The following LIMK1 variants were observed in gnomAD, a reference collection of about 807,000 sequenced individuals.
The protein encoded by LIMK1 is LIM domain kinase 1.
In LIMK1, 21 loss-of-function variants were observed where a neutral mutation model predicts 77.6. That is an observed-to-expected ratio of 0.27 (90% CI 0.19 to 0.39). LIMK1 has a LOEUF of 0.39. LIMK1 is among the 10% of genes least tolerant of loss of function. The pLI, the probability that LIMK1 is intolerant of heterozygous loss-of-function variation, is 1.00. For synonymous variants in LIMK1, 358 were observed against 370.0 expected (o/e 0.97, Z 0.37); for missense variants, 696 against 901.6 (o/e 0.77, Z 2.92).
chr7:74,094,988 A>G (rs576736640), intron 2 of LIMK1, among the ~76,000 whole-genome samples: 49 of 152,246 alleles, frequency 3.2e-4, no homozygotes, highest in African/African-American at 1.1e-3. Context: ...CTCCCAGACA[A>G]AGGGGAAGTG....
chr7:74,101,437 G>T (rs1799456705), intron 5 of LIMK1, among the ~76,000 whole-genome samples: 1 of 152,194 alleles, frequency 6.6e-6, no homozygotes, highest in Admixed American at 6.6e-5. Flanking sequence ...GAGCCCAGGA[G>T]GTGGAGGCTG....
chr7:74,106,204 G>A lies in LIMK1; in HGVS notation c.842G>A (p.Ser281Asn), dbSNP rs782545777. The A allele has an allele frequency of 3.7e-6, 6 of 1,613,644 alleles. No homozygotes were observed. The African/African-American group carries it at 4.0e-5, about 11-fold the overall frequency. ...SPLSSPAYTP[S>N]GEAGSSARQK... is the part of the protein sequence containing the mutation. ...CTGAGCTCTCCGGCTTATACTCCCAGCGGGGAGGCGGGCAGCTCTGCCCGG... is the reference window on the plus strand; with the variant it reads ...CTGAGCTCTCCGGCTTATACTCCCAACGGGGAGGCGGGCAGCTCTGCCCGG... The change falls in exon 7 of 16, where the codon AGC becomes AAC. Residue 281 changes from serine to asparagine, a missense_variant. Physicochemically the swap from Ser to Asn is conservative, Grantham distance 46. Transcript: ENST00000336180.
Position 74,085,712 on chromosome 7 carries a change from C to G in LIMK1, c.56-36C>G, listed in dbSNP as rs533961701. The stretch of plus-strand genomic sequence containing the variant: ...CTGGGCCTGCACCAGATCACACTTC[C>G]TGAGAATGCTTCCCAACTCCCTTCC... On this transcript the variant is annotated intron_variant, in intron 1 of 15. Coordinates refer to ENST00000336180, the MANE Select transcript of LIMK1 (RefSeq NM_002314.4). The G allele has an allele frequency of 5.8e-5, 89 of 1,525,726 alleles. 2 individuals carry two copies. In the South Asian group the frequency reaches 1.0e-3, roughly 18 times the overall value. The allele number at this position is 1,525,726 out of a possible 1,614,324, so 94.5% of individuals were successfully genotyped here. A position where few individuals can be genotyped will look rare whatever the true frequency, so the allele number is the denominator to read the frequency against.
At chr7:74,107,576 G>C (rs186744850) in intron 8 of LIMK1, among the ~76,000 whole-genome samples, 231 of 151,980 alleles carry the variant, frequency 1.5e-3, no homozygotes, top group Non-Finnish European at 1.1e-3. Context: ...CCAGCTACTT[G>C]GGAGGCTTAG....
At chr7:74,106,913 A>G in intron 7 of LIMK1, 97 bp from the exon 8 acceptor site, 4 of 1,225,156 alleles carry the variant, frequency 3.3e-6, no homozygotes, top group Non-Finnish European at 4.5e-6. Context: ...ATAGACTGGC[A>G]TGGACAGGGG....
intron 4 of LIMK1, among the ~76,000 whole-genome samples, chr7:74,098,006 TC>T (rs1799370743): frequency 6.6e-6 from 1 of 152,070 alleles, no homozygotes; most frequent in Non-Finnish European, 1.5e-5. Context: ...GCATCTCCCC[TC>T]CCTCCCCTAG....
In LIMK1 at chr7:74,085,820, C is replaced by T. The variant is rs782670690; in HGVS notation, c.128C>T (p.Ala43Val). ...GGCCAGTACCTCCAGGCCCTGAACG[C>T]GGACTGGCACGCAGACTGCTTCAGG... is the stretch of plus-strand genomic sequence containing the variant. ...YDGQYLQALN[A>V]DWHADCFRCC... The change falls in exon 2 of 16, where the codon GCG (alanine) becomes GTG (valine). Residue 43 changes from alanine to valine, a missense_variant. By Grantham distance (64) the Ala-to-Val change is moderately conservative. Transcript: ENST00000336180. 7.7e-6 allele frequency: 12 copies of T among 1,557,890 alleles called. No homozygotes were observed. The highest frequency in any genetic ancestry group is 5.7e-5 in the Admixed American group (3 of 52,196).
At position 74,085,750 on chromosome 7, in the gene LIMK1, A is replaced by T. The variant is rs1554693957; in HGVS notation, c.58A>T (p.Ser20Cys). The T allele has an allele frequency of 2.6e-6, 4 of 1,555,430 alleles. No homozygotes were observed. Reference sequence around the variant, plus strand: ...CCAACTCCCTTCCCACCCTGCAGGAAGCGAGTTGCCCGTGTGTGCAAGCTG... The same window carrying T: ...CCAACTCCCTTCCCACCCTGCAGGATGCGAGTTGCCCGTGTGTGCAAGCTG... Reference protein sequence around the residue: ...WREERMGEEGSELPVCASCGQ... With the variant: ...WREERMGEEGCELPVCASCGQ... Residue 20 changes from serine (S) to cysteine (C), a missense_variant and splice_region_variant, in exon 2 of 16, where the codon AGC (serine) becomes TGC (cysteine). Ser to Cys is a moderately radical substitution (Grantham distance 112). Coordinates refer to ENST00000336180, the MANE Select transcript of LIMK1 (RefSeq NM_002314.4).
At chr7:74,117,340 C>G (rs190341129) in intron 13 of LIMK1, among the ~76,000 whole-genome samples, 5 of 152,122 alleles carry the variant, frequency 3.3e-5, no homozygotes, top group East Asian at 1.9e-4. Context: ...GGGACCCTTA[C>G]GGTGACATTG....
intron 2 of LIMK1, among the ~76,000 whole-genome samples, chr7:74,091,815 G>A (rs951411473): frequency 3.9e-5 from 6 of 152,114 alleles, no homozygotes; most frequent in South Asian, 2.1e-4. Flanking sequence ...GGGTAGGGCC[G>A]GTGCATGTGC....
In LIMK1 at chr7:74,089,004, G is replaced by C. The variant is rs560048746; in HGVS notation, c.152+3160G>C. On this transcript the variant is annotated intron_variant, in intron 2 of 15. Coordinates refer to ENST00000336180, the MANE Select transcript of LIMK1 (RefSeq NM_002314.4). ...AGGATGGAGAGAATTTCAGGCAGAAGGGACAGTTTTTGGTGAGTATTTGTC... is the reference window on the plus strand; with the variant it reads ...AGGATGGAGAGAATTTCAGGCAGAACGGACAGTTTTTGGTGAGTATTTGTC... 2.0e-5 allele frequency among the ~76,000 whole-genome samples: 3 copies of C among 152,200 alleles called. No individual in the cohort carries two copies. In the East Asian group the frequency reaches 5.8e-4, roughly 29 times the overall value.
In LIMK1 at chr7:74,120,938, T is replaced by C. The variant is rs1799923573; in HGVS notation, c.1670T>C (p.Met557Thr). 2.5e-6 allele frequency: 4 copies of C among 1,614,122 alleles called. No homozygotes were observed. The highest frequency in any genetic ancestry group is 3.4e-6 in the Non-Finnish European group (4 of 1,179,998). The change falls in exon 15 of 16, where the codon ATG becomes ACG. Residue 557 changes from methionine to threonine, a missense_variant. Transcript: ENST00000336180. ...NADPDYLPRT[M>T]DFGLNVRGFL... ...GACCCTGACTACCTGCCCCGCACCA[T>C]GGACTTTGGCCTCAACGTGCGAGGA...
At chr7:74,091,830 G>C (rs1401270665) in intron 2 of LIMK1, among the ~76,000 whole-genome samples, 2 of 152,150 alleles carry the variant, frequency 1.3e-5, no homozygotes, top group African/African-American at 2.4e-5. Context: ...ATGTGCAAAG[G>C]CCTTGGGGTG....
intron 5 of LIMK1, 97 bp downstream of exon 5, chr7:74,099,335 G>C: frequency 8.2e-7 from 1 of 1,225,272 alleles, no homozygotes. Context: ...ATGAATGGGC[G>C]AGTGTTTGGG....
intron 10 of LIMK1, chr7:74,109,382 G>A (rs149669091): frequency 1.8e-5 from 5 of 280,782 alleles, no homozygotes; most frequent in African/African-American, 2.2e-5. Context: ...AAAATTCAGA[G>A]CTTTCCTTAA....
chr7:74,114,428 A>G (rs1480450490), intron 12 of LIMK1, among the ~76,000 whole-genome samples: 4 of 151,574 alleles, frequency 2.6e-5, no homozygotes, highest in African/African-American at 7.3e-5. Context: ...GTGAGTATCT[A>G]TAGTACCAGC....
At chr7:74,105,524 AAAAAAAAAAT>A (rs1387287176) in intron 5 of LIMK1, among the ~76,000 whole-genome samples, 1 of 151,754 alleles carries the variant, frequency 6.6e-6, no homozygotes, top group African/African-American at 2.4e-5. Context: ...AAAAAAAAAA[AAAAAAAAAAT>A]TCGAGACCAA....
At chr7:74,113,333 A>G (rs1381999956) in intron 12 of LIMK1, among the ~76,000 whole-genome samples, 1 of 151,060 alleles carries the variant, frequency 6.6e-6, no homozygotes, top group Non-Finnish European at 1.5e-5. Context: ...CAAAAAAACA[A>G]AACAAAACAA....
intron 5 of LIMK1, among the ~76,000 whole-genome samples, chr7:74,100,490 C>A (rs1345027739): frequency 6.7e-6 from 1 of 150,004 alleles, no homozygotes; most frequent in Non-Finnish European, 1.5e-5. Context: ...TGGTGTGATA[C>A]CAGCTCACTG....
Sources: allele counts gnomAD v4.1 joint callset (sites outside exome capture counted in the v4.1 genomes callset), GRCh38; gene constraint gnomAD v4.1.1; transcripts MANE v1.5; gene names NCBI Gene and HGNC (gene_info 2026-07-23, HGNC 2026-07-21).